PADI4: variants seen among roughly 807,000 people sequenced by gnomAD.
The protein encoded by PADI4 is protein-arginine deiminase type-4.
Under a neutral mutation model 75.0 loss-of-function variants are expected in PADI4, and 62 were observed. The ratio of observed to expected loss-of-function variants is 0.83; its 90% CI spans 0.67 to 1.02. The LOEUF is 1.02. Among genes scored for constraint, PADI4 ranks in the 50% least tolerant of loss-of-function variants. PADI4 has a pLI of 0.00. For missense variants in PADI4, 845 were observed against 850.5 expected (o/e 0.99, Z 0.08); for synonymous variants, 361 against 348.1 (o/e 1.04, Z -0.41).
intron 6 of PADI4, among the ~76,000 whole-genome samples, chr1:17,341,256 G>T (rs1402227436): frequency 6.6e-6 from 1 of 151,890 alleles, no homozygotes. Flanking sequence ...CCACCACAAT[G>T]CCTGGCTAAT....
intron 8 of PADI4, among the ~76,000 whole-genome samples, chr1:17,344,370 C>A (rs139749902): frequency 6.6e-6 from 1 of 152,164 alleles, no homozygotes; most frequent in Non-Finnish European, 1.5e-5. Context: ...CCTGACAATG[C>A]AATCGAAAAG....
chr1:17,317,503 T>A (rs976025137), intron 1 of PADI4, among the ~76,000 whole-genome samples: 5 of 147,644 alleles, frequency 3.4e-5, no homozygotes, highest in Admixed American at 6.8e-5. Context: ...ACTCCTGACC[T>A]CGTGATCCGC....
intron 1 of PADI4, among the ~76,000 whole-genome samples, chr1:17,313,863 G>A (rs140594468): frequency 6.6e-6 from 1 of 152,292 alleles, no homozygotes; most frequent in East Asian, 1.9e-4. Flanking sequence ...AACACATGTG[G>A]GTCACACGCT....
chr1:17,341,951 C>T lies in PADI4; in HGVS notation c.661C>T (p.Leu221=). The change falls in exon 7 of 16, where the codon CTG becomes TTG. Residue 221 remains leucine, a synonymous_variant. Transcript: ENST00000375448. ...CCCTGCCTCTCTCCTAGGGGGCAAACTGTCCTCCAAGTGCAGCGTAGTCTT... is the reference window on the plus strand; with the variant it reads ...CCCTGCCTCTCTCCTAGGGGGCAAATTGTCCTCCAAGTGCAGCGTAGTCTT... ...VRVFQATRGK[L]SSKCSVVLGP... is the part of the protein sequence containing the mutation. 6.2e-7 allele frequency: 1 copy of T among 1,613,554 alleles called. No individual in the cohort carries two copies.
chr1:17,352,076 A>T lies in PADI4; in HGVS notation c.1156-2457A>T, dbSNP rs1276588004. On this transcript the variant is annotated intron_variant, in intron 10 of 15. Coordinates refer to ENST00000375448, the MANE Select transcript of PADI4 (RefSeq NM_012387.3). The stretch of plus-strand genomic sequence containing the variant: ...GGGAGGTGATGGGAGGTGGGAAGAG[A>T]GGCAGTCAGGGAGGTGATGGGAGGT... 2.5e-4 allele frequency among the ~76,000 whole-genome samples: 32 copies of T among 129,596 alleles called. 1 individual carries two copies. Among genetic ancestry groups the T allele is most frequent in the Admixed American group, 6.2e-4 (8 of 12,970 alleles). 85.0% of individuals were successfully genotyped at this position (129,596 alleles called of 152,430 possible). A position where few individuals can be genotyped will look rare whatever the true frequency, so the allele number is the denominator to read the frequency against.
intron 1 of PADI4, among the ~76,000 whole-genome samples, chr1:17,321,228 G>T (rs1473841281): frequency 6.6e-6 from 1 of 152,302 alleles, no homozygotes; most frequent in South Asian, 2.1e-4. Flanking sequence ...CAGATGAGGG[G>T]CAGGTGAGAA....
Position 17,311,771 on chromosome 1 carries a change from C to T in PADI4, c.92+3457C>T, listed in dbSNP as rs112596616. 2.7e-3 allele frequency among the ~76,000 whole-genome samples: 404 copies of T among 152,148 alleles called. 3 individuals are homozygous for T. The highest frequency in any genetic ancestry group is 9.3e-3 in the African/African-American group (385 of 41,540). Reference sequence around the variant, plus strand: ...CGATCTCCTGACCTCGTGATCCACCCGCCTCGGCCTCCCAAAGTGCTGGGA... The same window carrying T: ...CGATCTCCTGACCTCGTGATCCACCTGCCTCGGCCTCCCAAAGTGCTGGGA... On this transcript the variant is annotated intron_variant, in intron 1 of 15. Transcript: ENST00000375448.
In PADI4 at chr1:17,339,712, C is replaced by A. The variant is rs951368555; in HGVS notation, c.551C>A (p.Thr184Asn). ...SEDLQDMSLM[T>N]LSTKTPKDFF... Reference sequence around the variant, plus strand: ...GACCTGCAGGACATGTCGCTGATGACCCTGAGCACGAAGACCCCCAAGGAC... The same window carrying A: ...GACCTGCAGGACATGTCGCTGATGAACCTGAGCACGAAGACCCCCAAGGAC... Residue 184 changes from threonine to asparagine, a missense_variant, in exon 6 of 16, where the codon ACC (threonine) becomes AAC (asparagine). Physicochemically the swap from Thr to Asn is moderately conservative, Grantham distance 65 (BLOSUM62 0). Transcript: ENST00000375448. 6.2e-7 allele frequency: 1 copy of A among 1,613,964 alleles called. No individual in the cohort carries two copies.
At chr1:17,321,376 C>T (rs1362343678) in intron 1 of PADI4, among the ~76,000 whole-genome samples, 1 of 152,202 alleles carries the variant, frequency 6.6e-6, no homozygotes, top group African/African-American at 2.4e-5. Context: ...CTTTATGAAG[C>T]AGAGATCCAA....
intron 1 of PADI4, among the ~76,000 whole-genome samples, chr1:17,320,792 T>C (rs2074020375): frequency 6.6e-6 from 1 of 152,138 alleles, no homozygotes; most frequent in South Asian, 2.1e-4. Flanking sequence ...TGACCTCCTA[T>C]CTCATCCTGT....
intron 6 of PADI4, among the ~76,000 whole-genome samples, chr1:17,341,151 T>G (rs1048864837): frequency 1.3e-5 from 2 of 148,528 alleles, no homozygotes; most frequent in Admixed American, 1.4e-4. Context: ...CAGGCTGGAG[T>G]GCAGTGGCGC....
chr1:17,362,724 G>A (rs1313135764), intron 15 of PADI4, among the ~76,000 whole-genome samples: 1 of 152,176 alleles, frequency 6.6e-6, no homozygotes, highest in Non-Finnish European at 1.5e-5. Flanking sequence ...ATGGAACTTG[G>A]AGTCTAATAG....
In PADI4 at chr1:17,339,673, C is replaced by A. The variant is rs762050630; in HGVS notation, c.527-15C>A. 4 of 1,613,388 alleles carry A rather than the reference C, an allele frequency of 2.5e-6. No homozygotes were observed. Among genetic ancestry groups the A allele is most frequent in the African/African-American group, 1.3e-5 (1 of 74,898 alleles). On this transcript the variant is annotated splice_polypyrimidine_tract_variant and intron_variant, in intron 5 of 15. Coordinates refer to ENST00000375448, the MANE Select transcript of PADI4 (RefSeq NM_012387.3). ...TCAGGGCCCTGTGACTCAGGCAATG[C>A]CCTTCTCATCCCAGACCTGCAGGAC...
chr1:17,331,360 T>C (rs1237517156), intron 2 of PADI4, among the ~76,000 whole-genome samples: 2 of 152,194 alleles, frequency 1.3e-5, no homozygotes, highest in African/African-American at 4.8e-5. Flanking sequence ...GATTAAACTC[T>C]ATTCAGCAAA....
At position 17,355,974 on chromosome 1, in the gene PADI4, C is replaced by T. The variant is rs1009190217; in HGVS notation, c.1311-9C>T. 2 of 1,614,032 alleles carry T rather than the reference C, an allele frequency of 1.2e-6. No homozygotes were observed. Among genetic ancestry groups the T allele is most frequent in the Non-Finnish European group, 1.7e-6 (2 of 1,180,018 alleles). The stretch of plus-strand genomic sequence containing the variant: ...TGCCGATAACACCCCTTTAACCCTG[C>T]CATGACAGCAATGACAGCCGGCAGA... On this transcript the variant is annotated splice_polypyrimidine_tract_variant and intron_variant, in intron 11 of 15. Coordinates refer to ENST00000375448, the MANE Select transcript of PADI4 (RefSeq NM_012387.3).
intron 3 of PADI4, among the ~76,000 whole-genome samples, chr1:17,335,234 C>T (rs1202634614): frequency 6.6e-6 from 1 of 152,056 alleles, no homozygotes; most frequent in Non-Finnish European, 1.5e-5. Context: ...TTCATTAATG[C>T]ATATTTAAGT....
intron 1 of PADI4, among the ~76,000 whole-genome samples, chr1:17,316,962 C>T (rs1010521427): frequency 6.6e-6 from 1 of 152,032 alleles, no homozygotes. Context: ...AATGTTCAGC[C>T]GATGAGACAG....
At chr1:17,332,873 C>G (rs1474117020) in intron 2 of PADI4, among the ~76,000 whole-genome samples, 4 of 152,052 alleles carry the variant, frequency 2.6e-5, no homozygotes. Context: ...CACGAACTAC[C>G]CACCTAAGAG....
chr1:17,360,890 G>T (rs2074838969), intron 15 of PADI4, among the ~76,000 whole-genome samples: 1 of 139,142 alleles, frequency 7.2e-6, no homozygotes, highest in African/African-American at 2.7e-5. Flanking sequence ...CTTGTGGGTG[G>T]TCCCACCTTT....
Sources: allele counts gnomAD v4.1 joint callset (sites outside exome capture counted in the v4.1 genomes callset), GRCh38; gene constraint gnomAD v4.1.1; transcripts MANE v1.5; gene names NCBI Gene and HGNC (gene_info 2026-07-23, HGNC 2026-07-21).